The following TRIM11 variants were observed in gnomAD, a reference collection of about 807,000 sequenced individuals.
The protein encoded by TRIM11 is E3 ubiquitin-protein ligase TRIM11.
A neutral mutation model predicts 33.4 loss-of-function variants in TRIM11; 15 were observed. That is an observed-to-expected ratio of 0.45 (90% confidence interval 0.30 to 0.69). The LOEUF is 0.69. TRIM11 is among the 30% of genes least tolerant of loss of function. The pLI, the probability that TRIM11 is intolerant of heterozygous loss-of-function variation, is 0.08. For synonymous variants in TRIM11, 281 were observed against 302.6 expected (o/e 0.93, Z 0.74); for missense variants, 499 against 667.6 (o/e 0.75, Z 2.78).
At chr1:228,396,797 G>A in intron 5 of TRIM11, 150 bp downstream of exon 5, 2 of 756,246 alleles carry the variant, frequency 2.6e-6, no homozygotes, top group Non-Finnish European at 4.8e-6. Flanking sequence ...TCAGAAGTAT[G>A]AGCAGAGGAC....
chr1:228,406,155 T>C lies in TRIM11; in HGVS notation c.407A>G (p.Lys136Arg). 7.2e-7 allele frequency: 1 copy of C among 1,392,422 alleles called. No homozygotes were observed. 86.3% of individuals were successfully genotyped at this position (1,392,422 alleles called of 1,614,324 possible). ...RPLQDAAEDL[K>R]AKLEKSLEHL... ...CACGCCACCCCCGCCCAGGAGCACC[T>C]TGAGGTCTTCGGCCGCGTCCTGCAG... is the stretch of plus-strand genomic sequence containing the variant. Residue 136 changes from lysine (K) to arginine (R), a missense_variant and splice_region_variant, in exon 1 of 6, where the codon AAG (lysine) becomes AGG (arginine). Lys to Arg is a conservative substitution (Grantham distance 26). Transcript: ENST00000284551. This position sits in a 1 kb window ranked among gnomAD's most constrained non-coding sequence, Gnocchi z 8.2.
rs1359949720 is a variant in TRIM11, at chr1:228,406,809, G to C, written c.-248C>G. The C allele has an allele frequency of 1.7e-5, 5 of 293,746 alleles. No individual in the cohort carries two copies. The highest frequency in any genetic ancestry group is 1.1e-4 in the Admixed American group (2 of 18,870). 18.2% of individuals were successfully genotyped at this position (293,746 alleles called of 1,614,324 possible). ...GGGGACGCGGGACGTAGGGATCCCG[G>C]ATGCCGGCAGGAAGAGGAGCCGAGG... is the stretch of plus-strand genomic sequence containing the variant. On this transcript the variant is annotated 5_prime_UTR_variant, in exon 1 of 6. The change creates a new upstream start codon in the 5' untranslated region. Coordinates refer to ENST00000284551, the MANE Select transcript of TRIM11 (RefSeq NM_145214.3). This position sits in a 1 kb window ranked among gnomAD's most constrained non-coding sequence, Gnocchi z 8.2.
chr1:228,395,576 G>C lies in TRIM11; in HGVS notation c.860-324C>G, dbSNP rs1273277837. On this transcript the variant is annotated intron_variant, in intron 5 of 5. Coordinates refer to ENST00000284551, the MANE Select transcript of TRIM11 (RefSeq NM_145214.3). This position sits in a 1 kb window ranked among gnomAD's most constrained non-coding sequence, Gnocchi z 4.8. Reference sequence around the variant, plus strand: ...CTCTGTGGCCCCAGGCTGCAGTGCAGTGGTGCGATCATGGCTCACTGCAGC... The same window carrying C: ...CTCTGTGGCCCCAGGCTGCAGTGCACTGGTGCGATCATGGCTCACTGCAGC... 1 of 231,388 alleles carries C rather than the reference G, an allele frequency of 4.3e-6. No homozygotes were observed. The highest frequency in any genetic ancestry group is 2.3e-5 in the African/African-American group (1 of 44,266). 14.3% of individuals were successfully genotyped at this position (231,388 alleles called of 1,614,324 possible).
Position 228,394,604 on chromosome 1 carries a change from C to G in TRIM11, c.*101G>C, listed in dbSNP as rs1574081693. The G allele has an allele frequency of 6.1e-6, 8 of 1,318,362 alleles. 1 individual carries two copies. The South Asian group carries it at 1.2e-4, about 20-fold the overall frequency. The allele number at this position is 1,318,362 out of a possible 1,614,324, so 81.7% of individuals were successfully genotyped here. A position where few individuals can be genotyped will look rare whatever the true frequency, so the allele number is the denominator to read the frequency against. On this transcript the variant is annotated 3_prime_UTR_variant, in exon 6 of 6. Coordinates refer to ENST00000284551, the MANE Select transcript of TRIM11 (RefSeq NM_145214.3). The surrounding 1 kb of genome is among the most constrained non-coding windows in gnomAD (Gnocchi z 6.2). ...GGCACCAGGAGTTCCTCCTCTTGCT[C>G]AAAGGACACACTCCCTCCTCCCAGG...
In TRIM11 at chr1:228,395,370, G is replaced by T; in HGVS notation, c.860-118C>A. On this transcript the variant is annotated intron_variant, in intron 5 of 5. Coordinates refer to ENST00000284551, the MANE Select transcript of TRIM11 (RefSeq NM_145214.3). This position sits in a 1 kb window ranked among gnomAD's most constrained non-coding sequence, Gnocchi z 4.8. ...GTCGGACGGCCTGGCTCTCTGCCCT[G>T]GGCCTGTAGCCTCACAACCTCCTGG... 1 of 1,144,816 alleles carries T rather than the reference G, an allele frequency of 8.7e-7. No individual in the cohort carries two copies. The allele number at this position is 1,144,816 out of a possible 1,614,324, so 70.9% of individuals were successfully genotyped here.
intron 3 of TRIM11, among the ~76,000 whole-genome samples, chr1:228,398,569 C>A (rs905893754): frequency 6.6e-6 from 1 of 152,148 alleles, no homozygotes; most frequent in Admixed American, 6.5e-5. Flanking sequence ...CAGTCATAAT[C>A]ACATCACTGT....
At chr1:228,402,297 A>C in intron 1 of TRIM11, 136 bp from the exon 2 acceptor site, 1 of 613,774 alleles carries the variant, frequency 1.6e-6, no homozygotes, top group Non-Finnish European at 2.8e-6. Context: ...AGGGAACTCA[A>C]TGCCCTCCAA....
rs1386752887 is a variant in TRIM11 at position 228,400,735 on chromosome 1, G to A, written c.735+229C>T. On this transcript the variant is annotated intron_variant, in intron 3 of 5. Transcript: ENST00000284551. The surrounding 1 kb of genome is among the most constrained non-coding windows in gnomAD (Gnocchi z 4.5). Reference sequence around the variant, plus strand: ...AACATCAACTGTTTACATCTACAGAGGAAAATTGATTTTCCCTTTCTCGGC... The same window carrying A: ...AACATCAACTGTTTACATCTACAGAAGAAAATTGATTTTCCCTTTCTCGGC... 1.3e-5 allele frequency among the ~76,000 whole-genome samples: 2 copies of A among 152,160 alleles called. No individual in the cohort carries two copies. The highest frequency in any genetic ancestry group is 4.8e-5 in the African/African-American group (2 of 41,426).
At chr1:228,399,170 C>A (rs2075010431) in intron 3 of TRIM11, among the ~76,000 whole-genome samples, 1 of 152,086 alleles carries the variant, frequency 6.6e-6, no homozygotes, top group Non-Finnish European at 1.5e-5. Context: ...TTGGGTTCCC[C>A]TACCCAACCG....
rs982064545 is a variant in TRIM11 at position 228,406,586 on chromosome 1, G to C, written c.-25C>G. 7.7e-6 allele frequency: 11 copies of C among 1,436,142 alleles called. No homozygotes were observed. In the African/African-American group the frequency reaches 1.3e-4, roughly 17 times the overall value. The allele number at this position is 1,436,142 out of a possible 1,614,324, so 89.0% of individuals were successfully genotyped here. A position where few individuals can be genotyped will look rare whatever the true frequency, so the allele number is the denominator to read the frequency against. ...TGGCGCGGACAGAGGGGAGGAAGGC[G>C]GTACTGTCCGCGGGGCGGCGGCGGG... On this transcript the variant is annotated 5_prime_UTR_variant, in exon 1 of 6. Transcript: ENST00000284551. The surrounding 1 kb of genome is among the most constrained non-coding windows in gnomAD (Gnocchi z 8.2).
rs1656439113 is a variant in TRIM11 at position 228,406,798 on chromosome 1, T to C, written c.-237A>G. 2 of 274,644 alleles carry C rather than the reference T, an allele frequency of 7.3e-6. No individual in the cohort carries two copies. The highest frequency in any genetic ancestry group is 1.2e-5 in the Non-Finnish European group (2 of 160,526). The allele number at this position is 274,644 out of a possible 1,614,324, so 17.0% of individuals were successfully genotyped here. ...CCGAGCGCTCGGGGGACGCGGGACG[T>C]AGGGATCCCGGATGCCGGCAGGAAG... On this transcript the variant is annotated 5_prime_UTR_variant, in exon 1 of 6. Transcript: ENST00000284551. This position sits in a 1 kb window ranked among gnomAD's most constrained non-coding sequence, Gnocchi z 8.2.
In TRIM11 at chr1:228,403,295, C is replaced by G. The variant is rs1186554346; in HGVS notation, c.409-1134G>C. 1 of 152,364 alleles carries G rather than the reference C, an allele frequency of 6.6e-6. No homozygotes were observed. The highest frequency in any genetic ancestry group is 1.5e-5 in the Non-Finnish European group (1 of 68,152). The allele number at this position is 152,364 out of a possible 1,614,324, so 9.4% of individuals were successfully genotyped here. ...TGGCTCTCATCTCTCGCTATCCACG[C>G]TCTGGAAGGATGGAGGTGCTGGGAG... is the stretch of plus-strand genomic sequence containing the variant. On this transcript the variant is annotated intron_variant, in intron 1 of 5. Coordinates refer to ENST00000284551, the MANE Select transcript of TRIM11 (RefSeq NM_145214.3). This position sits in a 1 kb window ranked among gnomAD's most constrained non-coding sequence, Gnocchi z 4.8.
In TRIM11 at chr1:228,401,335, AC is replaced by A; in HGVS notation, c.505-142del. On this transcript the variant is annotated intron_variant, in intron 2 of 5. Transcript: ENST00000284551. This position sits in a 1 kb window ranked among gnomAD's most constrained non-coding sequence, Gnocchi z 6.1. ...GGGCCTGCTAAAGCCAAAGCACAGC[AC>A]CAGGTGTGGCAGGACCCCAAACCCA... 2 of 1,092,532 alleles carry A rather than the reference AC, an allele frequency of 1.8e-6. No individual in the cohort carries two copies. Among genetic ancestry groups the A allele is most frequent in the Non-Finnish European group, 2.6e-6 (2 of 776,866 alleles). The allele number at this position is 1,092,532 out of a possible 1,614,324, so 67.7% of individuals were successfully genotyped here. A position where few individuals can be genotyped will look rare whatever the true frequency, so the allele number is the denominator to read the frequency against.
intron 4 of TRIM11, 23 bp downstream of exon 4, chr1:228,397,120 T>G: frequency 3.1e-6 from 5 of 1,611,202 alleles, no homozygotes; most frequent in Non-Finnish European, 4.2e-6. Context: ...CTGCCCCCCC[T>G]CCAGGAGAGG....
rs1224666283 is a variant in TRIM11, at chr1:228,406,651, C to T, written c.-90G>A. On this transcript the variant is annotated 5_prime_UTR_variant, in exon 1 of 6. Transcript: ENST00000284551. This position sits in a 1 kb window ranked among gnomAD's most constrained non-coding sequence, Gnocchi z 8.2. ...CGCGGGGACGCGGGGTATCCGGGTG[C>T]GGCGGCGCAGGCTCGGGCACTCCGG... The T allele has an allele frequency of 1.6e-6, 2 of 1,268,658 alleles. No homozygotes were observed. Among genetic ancestry groups the T allele is most frequent in the Non-Finnish European group, 2.0e-6 (2 of 994,234 alleles). The allele number at this position is 1,268,658 out of a possible 1,614,324, so 78.6% of individuals were successfully genotyped here.
intron 3 of TRIM11, among the ~76,000 whole-genome samples, chr1:228,397,877 C>G (rs926318294): frequency 6.6e-6 from 1 of 152,162 alleles, no homozygotes; most frequent in Non-Finnish European, 1.5e-5. Flanking sequence ...CACAGACACC[C>G]ACAGAGGGGA....
In TRIM11 at chr1:228,406,082, C is replaced by CAA; in HGVS notation, c.408+71_408+72insTT. ...TTACTCCCGGAGCAGTCCCCCAAAC[C>CAA]TCCCACCCGCCCAGGCCTCCCCAGT... On this transcript the variant is annotated intron_variant, in intron 1 of 5. Coordinates refer to ENST00000284551, the MANE Select transcript of TRIM11 (RefSeq NM_145214.3). This position sits in a 1 kb window ranked among gnomAD's most constrained non-coding sequence, Gnocchi z 8.2. 1.1e-4 allele frequency: 136 copies of CAA among 1,269,774 alleles called. No homozygotes were observed. The highest frequency in any genetic ancestry group is 1.3e-4 in the Non-Finnish European group (125 of 989,394). 78.7% of individuals were successfully genotyped at this position (1,269,774 alleles called of 1,614,324 possible). A position where few individuals can be genotyped will look rare whatever the true frequency, so the allele number is the denominator to read the frequency against.
chr1:228,394,874 C>T lies in TRIM11; in HGVS notation c.1238G>A (p.Gly413Glu). 6.2e-7 allele frequency: 1 copy of T among 1,614,090 alleles called. No individual in the cohort carries two copies. The highest frequency in any genetic ancestry group is 8.5e-7 in the Non-Finnish European group (1 of 1,180,006). The change falls in exon 6 of 6, where the codon GGA becomes GAA. Residue 413 changes from glycine (G) to glutamate (E), a missense_variant. Coordinates refer to ENST00000284551, the MANE Select transcript of TRIM11 (RefSeq NM_145214.3). This position sits in a 1 kb window ranked among gnomAD's most constrained non-coding sequence, Gnocchi z 6.2. ...GGTGGCACTGTAGAAAGAGAGATGT[C>T]CAGCCTCGTAGTCCAGAAAGATCCC... Reference protein sequence around the residue: ...RVGIFLDYEAGHLSFYSATDG... With the variant: ...RVGIFLDYEAEHLSFYSATDG...
rs1007987651 is a variant in TRIM11 at position 228,400,389 on chromosome 1, T to C, written c.735+575A>G. Among the ~76,000 whole-genome samples the C allele has an allele frequency of 6.6e-6, 1 of 152,262 alleles. No homozygotes were observed. Among genetic ancestry groups the C allele is most frequent in the East Asian group, 1.9e-4 (1 of 5,172 alleles). On this transcript the variant is annotated intron_variant, in intron 3 of 5. Coordinates refer to ENST00000284551, the MANE Select transcript of TRIM11 (RefSeq NM_145214.3). This position sits in a 1 kb window ranked among gnomAD's most constrained non-coding sequence, Gnocchi z 4.5. Reference sequence around the variant, plus strand: ...TGCCGCCAGGCCACAGGCCAGGGCGTCCACTGGTTCTGGTTTGGGGGTGCA... The same window carrying C: ...TGCCGCCAGGCCACAGGCCAGGGCGCCCACTGGTTCTGGTTTGGGGGTGCA...
Sources: allele counts gnomAD v4.1 joint callset (sites outside exome capture counted in the v4.1 genomes callset), GRCh38; gene constraint gnomAD v4.1.1; non-coding constraint Gnocchi (gnomAD v3.1); transcripts MANE v1.5; gene names NCBI Gene and HGNC (gene_info 2026-07-23, HGNC 2026-07-21).